CTNNA2: variants seen among roughly 807,000 people sequenced by gnomAD.
The protein encoded by CTNNA2 is catenin alpha 2, also known as catenin alpha-2.
In CTNNA2, 42 loss-of-function variants were observed where a neutral mutation model predicts 101.0. That is an observed-to-expected ratio of 0.42 (90% CI 0.32 to 0.54). The LOEUF (loss-of-function observed/expected upper bound fraction) is 0.54. CTNNA2 is among the 20% of genes least tolerant of loss of function. The pLI, the probability that CTNNA2 is intolerant of heterozygous loss-of-function variation, is 0.14. For missense variants in CTNNA2, 871 were observed against 1,223.1 expected, an observed-to-expected ratio of 0.71 and a Z score of 4.29; for synonymous variants, 450 against 456.4, an observed-to-expected ratio of 0.99 and a Z score of 0.18.
chr2:80,028,818 C>G (rs1695105048), intron 7 of CTNNA2, among the ~76,000 whole-genome samples: 1 of 152,156 alleles, frequency 6.6e-6, no homozygotes, highest in South Asian at 2.1e-4. Context: ...TGCAGATGGC[C>G]TCTAGAAGTG....
intron 7 of CTNNA2, among the ~76,000 whole-genome samples, chr2:79,925,938 A>T (rs2104399011): frequency 6.6e-6 from 1 of 152,050 alleles, no homozygotes; most frequent in Non-Finnish European, 1.5e-5. Context: ...GATATGAATT[A>T]TTTAGATTTT....
chr2:79,841,824 C>T (rs1679839598), intron 3 of CTNNA2, among the ~76,000 whole-genome samples: 1 of 152,210 alleles, frequency 6.6e-6, no homozygotes, highest in South Asian at 2.1e-4. Flanking sequence ...CCATTGGCTA[C>T]CTTCAGGCTA....
chr2:79,516,425 G>A (rs542414449), intron 1 of CTNNA2, among the ~76,000 whole-genome samples: 1 of 152,252 alleles, frequency 6.6e-6, no homozygotes, highest in South Asian at 2.1e-4. Flanking sequence ...CTTGGACAGA[G>A]ACTCCTGGGA....
At chr2:79,569,288 A>G (rs1022360305) in intron 1 of CTNNA2, among the ~76,000 whole-genome samples, 2 of 152,086 alleles carry the variant, frequency 1.3e-5, no homozygotes, top group Admixed American at 6.6e-5. Context: ...TAAGGAGTCC[A>G]TTTTAGCTAA....
intron 4 of CTNNA2, among the ~76,000 whole-genome samples, chr2:79,447,253 T>C (rs1678843286): frequency 6.6e-6 from 1 of 151,956 alleles, no homozygotes; most frequent in South Asian, 2.1e-4. Flanking sequence ...CTATACTGAC[T>C]CAATTATCTC....
intron 2 of CTNNA2, among the ~76,000 whole-genome samples, chr2:79,652,702 A>G (rs760889231): frequency 1.3e-5 from 2 of 152,128 alleles, no homozygotes; most frequent in Non-Finnish European, 2.9e-5. Context: ...TAACATATTT[A>G]CAGTTTCCAG....
intron 7 of CTNNA2, among the ~76,000 whole-genome samples, chr2:79,932,069 C>T (rs558934574): frequency 5.3e-5 from 8 of 152,264 alleles, no homozygotes; most frequent in South Asian, 2.1e-4. Flanking sequence ...AGCTCAGGAC[C>T]GAGGTACATT....
At chr2:80,541,171 C>T (rs1238531920) in intron 9 of CTNNA2, among the ~76,000 whole-genome samples, 2 of 152,288 alleles carry the variant, frequency 1.3e-5, no homozygotes, top group East Asian at 1.9e-4. Flanking sequence ...TTGGATAGAG[C>T]CCATGACCAA....
At chr2:80,623,004 G>C (rs1393746427) in intron 18 of CTNNA2, among the ~76,000 whole-genome samples, 1 of 142,864 alleles carries the variant, frequency 7.0e-6, no homozygotes, top group Non-Finnish European at 1.5e-5. Flanking sequence ...GAAGTAGTAT[G>C]ATCAAAGGTA....
intron 3 of CTNNA2, among the ~76,000 whole-genome samples, chr2:79,806,899 A>G (rs1208212550): frequency 6.6e-6 from 1 of 152,086 alleles, no homozygotes; most frequent in South Asian, 2.1e-4. Context: ...TCCCCTTCTT[A>G]TGGATATCTT....
chr2:79,404,604 TTA>T, intron 4 of CTNNA2, among the ~76,000 whole-genome samples: 1 of 152,176 alleles, frequency 6.6e-6, no homozygotes, highest in African/African-American at 2.4e-5. Flanking sequence ...TCGGTTTGAC[TTA>T]AAAGCACAAC....
At chr2:80,489,099 G>A (rs1296071763) in intron 9 of CTNNA2, among the ~76,000 whole-genome samples, 1 of 152,046 alleles carries the variant, frequency 6.6e-6, no homozygotes, top group Non-Finnish European at 1.5e-5. Flanking sequence ...ACATGTACCT[G>A]GTGATTTTAT....
intron 7 of CTNNA2, among the ~76,000 whole-genome samples, chr2:79,945,191 C>T (rs983474735): frequency 6.6e-6 from 1 of 151,986 alleles, no homozygotes; most frequent in Non-Finnish European, 1.5e-5. Context: ...TACAGGCATG[C>T]ACCACCACAC....
chr2:80,443,389 A>G, intron 9 of CTNNA2, among the ~76,000 whole-genome samples: 1 of 152,220 alleles, frequency 6.6e-6, no homozygotes, highest in East Asian at 1.9e-4. Flanking sequence ...GTCAATCGCA[A>G]ATATTTATTG....
chr2:80,184,212 C>T (rs1373155988), intron 7 of CTNNA2, among the ~76,000 whole-genome samples: 1 of 152,014 alleles, frequency 6.6e-6, no homozygotes, highest in African/African-American at 2.4e-5. Context: ...AGACAATGCT[C>T]ATTTGTATTT....
chr2:79,830,647 C>A (rs767825821), intron 3 of CTNNA2, among the ~76,000 whole-genome samples: 1 of 152,118 alleles, frequency 6.6e-6, no homozygotes, highest in Non-Finnish European at 1.5e-5. Flanking sequence ...TATGGCTTCT[C>A]GCCTGAGGTG....
chr2:80,054,380 G>T (rs1292324405), intron 7 of CTNNA2, among the ~76,000 whole-genome samples: 1 of 152,240 alleles, frequency 6.6e-6, no homozygotes, highest in African/African-American at 2.4e-5. Flanking sequence ...GGTTGTTACA[G>T]AGTGAATTGT....
intron 3 of CTNNA2, among the ~76,000 whole-genome samples, chr2:79,822,037 C>T (rs1039874105): frequency 2.0e-5 from 3 of 152,078 alleles, no homozygotes; most frequent in Admixed American, 6.6e-5. Context: ...TAAAAGAATA[C>T]AATGTTTTTG....
At chr2:79,280,606 A>G (rs1037169118) in intron 2 of CTNNA2, among the ~76,000 whole-genome samples, 2 of 145,372 alleles carry the variant, frequency 1.4e-5, no homozygotes, top group Admixed American at 1.4e-4. Context: ...TTAGTTGCCC[A>G]GCATTCATCC....
Sources: gnomAD v4.1 joint callset for allele counts (sites outside exome capture counted in the v4.1 genomes callset) on GRCh38, gnomAD v4.1.1 for gene constraint, MANE v1.5 for transcripts, NCBI Gene and HGNC (gene_info 2026-07-23, HGNC 2026-07-21) for gene names.